DNAH7: variants seen among roughly 807,000 people sequenced by gnomAD.
The protein encoded by DNAH7 is axonemal beta dynein heavy chain 7.
In DNAH7, 397 loss-of-function variants were observed where a neutral mutation model predicts 444.6. The ratio of observed to expected loss-of-function variants is 0.89; its 90% CI spans 0.82 to 0.97. The LOEUF (loss-of-function observed/expected upper bound fraction) is 0.97. Among genes scored for constraint, DNAH7 ranks in the 50% least tolerant of loss-of-function variants. DNAH7 has a pLI of 0.00. For missense variants in DNAH7, 4,902 were observed against 4,800.8 expected (o/e 1.02, Z -0.62); for synonymous variants, 1,636 against 1,624.4 (o/e 1.01, Z -0.17).
At chr2:195,998,619 T>C (rs527455755) in intron 12 of DNAH7, 12 of 152,410 alleles carry the variant, frequency 7.9e-5, no homozygotes, top group African/African-American at 2.9e-4. Flanking sequence ...CTACTAATTC[T>C]TTTCTTACTA....
chr2:196,034,142 G>A (rs1046956997), intron 5 of DNAH7, among the ~76,000 whole-genome samples: 5 of 152,098 alleles, frequency 3.3e-5, no homozygotes, highest in African/African-American at 7.2e-5. Context: ...ACACATGATC[G>A]TATGTATAGG....
rs80038836 is a variant in DNAH7 at position 195,793,352 on chromosome 2, G to A, written c.10716+986C>T. ...GGCATTTAATGAGACTTTGGTTTTC[G>A]TTCGGGCTGTGTTTCATAAATTCCT... On this transcript the variant is annotated intron_variant, in intron 57 of 64. Transcript: ENST00000312428. Among the ~76,000 whole-genome samples the A allele has an allele frequency of 5.3e-5, 8 of 152,248 alleles. No individual in the cohort carries two copies. In the East Asian group the frequency reaches 5.8e-4, roughly 11 times the overall value.
At chr2:196,028,519 A>C (rs866323837) in intron 5 of DNAH7, among the ~76,000 whole-genome samples, 1 of 152,244 alleles carries the variant, frequency 6.6e-6, no homozygotes, top group African/African-American at 2.4e-5. Context: ...GTTAGCAATC[A>C]GTGACATGGA....
At chr2:195,882,668 G>C (rs1227696770) in intron 35 of DNAH7, among the ~76,000 whole-genome samples, 1 of 152,158 alleles carries the variant, frequency 6.6e-6, no homozygotes, top group African/African-American at 2.4e-5. Flanking sequence ...TGCTATGACA[G>C]TGTTTATAAC....
intron 47 of DNAH7, among the ~76,000 whole-genome samples, chr2:195,839,606 A>G (rs1352773479): frequency 1.3e-5 from 2 of 151,794 alleles, no homozygotes; most frequent in East Asian, 3.8e-4. Context: ...AACAAAATTT[A>G]TCAAACTCTA....
intron 40 of DNAH7, among the ~76,000 whole-genome samples, chr2:195,869,939 T>A (rs1429661400): frequency 4.6e-5 from 7 of 152,194 alleles, no homozygotes; most frequent in Non-Finnish European, 7.4e-5. Flanking sequence ...ACAACCATTA[T>A]CAAAACTCAA....
chr2:195,739,386 G>T (rs570116481), intron 64 of DNAH7, among the ~76,000 whole-genome samples: 1 of 152,132 alleles, frequency 6.6e-6, no homozygotes, highest in Admixed American at 6.5e-5. Context: ...CCAGAATCCT[G>T]CAAAGAAAAT....
intron 5 of DNAH7, among the ~76,000 whole-genome samples, chr2:196,029,941 G>GA (rs1032416008): frequency 6.0e-5 from 9 of 150,970 alleles, no homozygotes; most frequent in East Asian, 1.9e-4. Context: ...AAATTGCCCT[G>GA]AAAAAAAATG....
chr2:195,937,737 T>C (rs1407166636), intron 19 of DNAH7, among the ~76,000 whole-genome samples: 1 of 152,128 alleles, frequency 6.6e-6, no homozygotes, highest in Non-Finnish European at 1.5e-5. Flanking sequence ...GGTCTATTCT[T>C]GGTCTTATAA....
intron 59 of DNAH7, among the ~76,000 whole-genome samples, chr2:195,777,456 C>T (rs1695113147): frequency 6.6e-6 from 1 of 152,136 alleles, no homozygotes; most frequent in Non-Finnish European, 1.5e-5. Context: ...TAAATATTAA[C>T]TACTACTGCT....
chr2:195,799,216 C>T, intron 55 of DNAH7, 80 bp downstream of exon 55: 2 of 1,226,810 alleles, frequency 1.6e-6, no homozygotes, highest in Non-Finnish European at 2.2e-6. Context: ...TCTACCTTTC[C>T]CTCATCCTTA....
intron 19 of DNAH7, among the ~76,000 whole-genome samples, chr2:195,949,912 T>A (rs1385779784): frequency 1.3e-5 from 2 of 152,204 alleles, no homozygotes; most frequent in Non-Finnish European, 2.9e-5. Context: ...GTTTACTGAT[T>A]TGTATATGTT....
At chr2:195,922,423 CT>C (rs527264479) in intron 23 of DNAH7, among the ~76,000 whole-genome samples, 99 of 152,288 alleles carry the variant, frequency 6.5e-4, no homozygotes, top group African/African-American at 2.3e-3. Context: ...TCCCTTACCT[CT>C]TCCATATTTT....
chr2:195,954,650 T>TA (rs1252967288), intron 19 of DNAH7, among the ~76,000 whole-genome samples: 1 of 151,768 alleles, frequency 6.6e-6, no homozygotes, highest in African/African-American at 2.4e-5. Context: ...ACCAACAGTG[T>TA]AAAAGTGTTC....
At chr2:195,823,388 A>G (rs1263707140) in intron 49 of DNAH7, among the ~76,000 whole-genome samples, 1 of 152,158 alleles carries the variant, frequency 6.6e-6, no homozygotes, top group African/African-American at 2.4e-5. Flanking sequence ...CATACACATT[A>G]TTTATAAGAT....
In DNAH7 at chr2:195,895,375, T is replaced by A. The variant is rs957233005; in HGVS notation, c.4648-151A>T. The A allele has an allele frequency of 5.8e-6, 3 of 519,620 alleles. No individual in the cohort carries two copies. The African/African-American group carries it at 6.0e-5, about 10-fold the overall frequency. The allele number at this position is 519,620 out of a possible 1,614,324, so 32.2% of individuals were successfully genotyped here. ...GGAATAGTTCACATACGCAAACGTG[T>A]ATTTTTTTCTTTTTTTCAATTTTTA... On this transcript the variant is annotated intron_variant, in intron 29 of 64. Transcript: ENST00000312428.
At chr2:196,044,193 A>ATT (rs1696949790) in intron 5 of DNAH7, among the ~76,000 whole-genome samples, 1 of 77,998 alleles carries the variant, frequency 1.3e-5, no homozygotes, top group Non-Finnish European at 2.7e-5. Flanking sequence ...AAATGTTTAT[A>ATT]TATATATATA....
At chr2:195,888,163 T>C (rs1701812330) in intron 33 of DNAH7, 95 bp downstream of exon 33, 1 of 1,034,092 alleles carries the variant, frequency 9.7e-7, no homozygotes, top group Admixed American at 2.9e-5. Context: ...TTAATATCTC[T>C]TAGCTGATAA....
chr2:195,741,015 G>C, intron 63 of DNAH7, 146 bp from the exon 64 acceptor site: 1 of 351,678 alleles, frequency 2.8e-6, no homozygotes, highest in Non-Finnish European at 5.2e-6. Flanking sequence ...GCAATCTCCT[G>C]AGTGTTTTAA....
Sources: gnomAD v4.1 joint callset for allele counts (sites outside exome capture counted in the v4.1 genomes callset) on GRCh38, gnomAD v4.1.1 for gene constraint, MANE v1.5 for transcripts, NCBI Gene and HGNC (gene_info 2026-07-23, HGNC 2026-07-21) for gene names.